Variants in OPCML observed in about 807,000 individuals in gnomAD.
OPCML encodes opioid binding protein/cell adhesion molecule like, also known as opioid-binding protein/cell adhesion molecule.
Under a neutral mutation model 37.8 loss-of-function variants are expected in OPCML, and 13 were observed. That is an observed-to-expected ratio of 0.34 (90% CI 0.22 to 0.55). The LOEUF is 0.55. Among genes scored for constraint, OPCML ranks in the 20% least tolerant of loss-of-function variants. The pLI, the probability that OPCML is intolerant of heterozygous loss-of-function variation, is 0.91. For synonymous variants in OPCML, 176 were observed against 168.8 expected (o/e 1.04, Z -0.33); for missense variants, 341 against 435.6 (o/e 0.78, Z 1.93).
intron 1 of OPCML, among the ~76,000 whole-genome samples, chr11:133,403,541 T>G (rs1462926764): frequency 6.6e-6 from 1 of 152,024 alleles, no homozygotes; most frequent in African/African-American, 2.4e-5. Context: ...GCTGAGGGAG[T>G]AGGCTAAATT....
chr11:132,497,600 G>T (rs942655960), intron 4 of OPCML, among the ~76,000 whole-genome samples: 8 of 152,116 alleles, frequency 5.3e-5, no homozygotes, highest in South Asian at 2.1e-4. Flanking sequence ...TATTTCTGAA[G>T]AAAGAACATT....
intron 1 of OPCML, among the ~76,000 whole-genome samples, chr11:133,057,970 C>T (rs1948270607): frequency 6.6e-6 from 1 of 152,210 alleles, no homozygotes; most frequent in South Asian, 2.1e-4. Context: ...TTTATTTTTA[C>T]TAGTGCGTTA....
chr11:132,867,671 G>A (rs1022826678), intron 2 of OPCML, among the ~76,000 whole-genome samples: 2 of 152,242 alleles, frequency 1.3e-5, no homozygotes, highest in African/African-American at 2.4e-5. Context: ...AGGGTTATTC[G>A]TTTCTGGGTT....
chr11:133,493,047 T>C (rs892705033), intron 1 of OPCML, among the ~76,000 whole-genome samples: 2 of 152,176 alleles, frequency 1.3e-5, no homozygotes, highest in African/African-American at 4.8e-5. Context: ...GAGCCCAGTA[T>C]CTGCATCTCA....
At chr11:133,182,156 C>T (rs1033973892) in intron 1 of OPCML, among the ~76,000 whole-genome samples, 5 of 152,204 alleles carry the variant, frequency 3.3e-5, no homozygotes, top group African/African-American at 1.2e-4. Flanking sequence ...GACTGCCCAT[C>T]TTCAGTGCCT....
intron 2 of OPCML, among the ~76,000 whole-genome samples, chr11:132,937,575 G>GTCGT (rs1945424952): frequency 6.8e-6 from 1 of 147,314 alleles, no homozygotes; most frequent in Non-Finnish European, 1.5e-5. Context: ...GTGTGTGTGT[G>GTCGT]GTGTGTGTGG....
intron 1 of OPCML, among the ~76,000 whole-genome samples, chr11:133,417,867 A>G (rs1027556094): frequency 2.0e-5 from 3 of 152,190 alleles, no homozygotes; most frequent in Non-Finnish European, 4.4e-5. Context: ...GGTCCAGAGA[A>G]AGAAATATGT....
At chr11:132,914,601 G>T in intron 2 of OPCML, among the ~76,000 whole-genome samples, 1 of 152,326 alleles carries the variant, frequency 6.6e-6, no homozygotes, top group South Asian at 2.1e-4. Flanking sequence ...GAACGGCTGT[G>T]CTGGAAGGCG....
intron 2 of OPCML, among the ~76,000 whole-genome samples, chr11:132,734,941 T>A (rs1451438880): frequency 6.6e-6 from 1 of 152,184 alleles, no homozygotes. Flanking sequence ...ATTGTTATTA[T>A]GTGGGGCAGA....
At chr11:132,630,253 A>ATT (rs1940010349) in intron 3 of OPCML, among the ~76,000 whole-genome samples, 1 of 152,190 alleles carries the variant, frequency 6.6e-6, no homozygotes, top group South Asian at 2.1e-4. Context: ...AGGAAAAGCT[A>ATT]TTTGGAGTAG....
intron 4 of OPCML, among the ~76,000 whole-genome samples, chr11:132,470,607 G>A (rs1255949268): frequency 6.6e-6 from 1 of 152,172 alleles, no homozygotes; most frequent in African/African-American, 2.4e-5. Context: ...AATAGTAAAA[G>A]CAGTAATAAT....
intron 1 of OPCML, among the ~76,000 whole-genome samples, chr11:132,990,829 C>T (rs1274848053): frequency 6.6e-6 from 1 of 152,186 alleles, no homozygotes; most frequent in African/African-American, 2.4e-5. Context: ...ATAATGGTAA[C>T]TAACCTCACT....
chr11:133,198,228 C>A (rs1938614846), intron 1 of OPCML, among the ~76,000 whole-genome samples: 2 of 152,192 alleles, frequency 1.3e-5, no homozygotes, highest in African/African-American at 4.8e-5. Context: ...TGGTCCTGTA[C>A]AATAACCCGC....
chr11:132,856,523 C>G (rs76589214), intron 2 of OPCML, among the ~76,000 whole-genome samples: 9,910 of 152,186 alleles, frequency 0.065, 405 homozygotes, highest in East Asian at 0.14. Flanking sequence ...CAGGGAAAGA[C>G]AGTCTCCCAA....
chr11:133,425,486 C>A (rs1945983503), intron 1 of OPCML, among the ~76,000 whole-genome samples: 1 of 152,164 alleles, frequency 6.6e-6, no homozygotes. Context: ...CCTACAACAG[C>A]CCTGTTAGTT....
At chr11:132,673,222 G>C (rs1481444569) in intron 2 of OPCML, among the ~76,000 whole-genome samples, 2 of 152,234 alleles carry the variant, frequency 1.3e-5, no homozygotes, top group East Asian at 1.9e-4. Context: ...ACTTGGTCTT[G>C]TCCTTAGAAC....
chr11:133,181,066 G>A (rs1352507734), intron 1 of OPCML, among the ~76,000 whole-genome samples: 1 of 152,118 alleles, frequency 6.6e-6, no homozygotes, highest in African/African-American at 2.4e-5. Context: ...CTTAGATACT[G>A]CAAAATTTCA....
rs563151423 is a variant in OPCML at position 133,170,990 on chromosome 11, C to T, written c.62-227980G>A. Reference sequence around the variant, plus strand: ...TTTCTCAAATCTCTCCTCTATAAGACAGGATCCCAGATAGACTGTAGGAAT... The same window carrying T: ...TTTCTCAAATCTCTCCTCTATAAGATAGGATCCCAGATAGACTGTAGGAAT... On this transcript the variant is annotated intron_variant, in intron 1 of 7. Coordinates refer to ENST00000524381, the MANE Select transcript of OPCML (RefSeq NM_001012393.5). 2.0e-5 allele frequency among the ~76,000 whole-genome samples: 3 copies of T among 152,330 alleles called. No individual in the cohort carries two copies. The East Asian group carries it at 5.8e-4, about 29-fold the overall frequency.
At chr11:133,304,909 C>T (rs1942873404) in intron 1 of OPCML, among the ~76,000 whole-genome samples, 1 of 152,104 alleles carries the variant, frequency 6.6e-6, no homozygotes, top group Admixed American at 6.6e-5. Context: ...CAACAATTTG[C>T]TGTATAGTCA....
Sources: allele counts gnomAD v4.1 joint callset (sites outside exome capture counted in the v4.1 genomes callset), GRCh38; gene constraint gnomAD v4.1.1; transcripts MANE v1.5; gene names NCBI Gene and HGNC (gene_info 2026-07-23, HGNC 2026-07-21).